AGAP1: variants seen among roughly 807,000 people sequenced by gnomAD.
The protein encoded by AGAP1 is ArfGAP with GTPase domain, ankyrin repeat and PH domain 1, also known as arf-GAP with GTPase, ANK repeat and PH domain-containing protein 1.
Under a neutral mutation model 105.3 loss-of-function variants are expected in AGAP1, and 29 were observed. The ratio of observed to expected loss-of-function variants is 0.28; its 90% CI spans 0.21 to 0.38. The LOEUF (loss-of-function observed/expected upper bound fraction) is 0.38. Ranked by LOEUF, AGAP1 falls within the 10% of genes least tolerant of loss-of-function variation. AGAP1 has a pLI of 1.00. For missense variants in AGAP1, 998 were observed against 1,165.1 expected, an observed-to-expected ratio of 0.86 and a Z score of 2.09; for synonymous variants, 509 against 485.9, an observed-to-expected ratio of 1.05 and a Z score of -0.63.
chr2:236,085,077 G>T (rs2058890758), intron 16 of AGAP1, among the ~76,000 whole-genome samples: 1 of 147,026 alleles, frequency 6.8e-6, no homozygotes. Context: ...TTAGCCGGGT[G>T]TGGTGGTGTG....
rs998239893 is a variant in AGAP1, at chr2:236,002,997, C to T, written c.1646-33564C>T. On this transcript the variant is annotated intron_variant, in intron 13 of 17. Coordinates refer to ENST00000304032, the MANE Select transcript of AGAP1 (RefSeq NM_001037131.3). The surrounding 1 kb of genome is among the most constrained non-coding windows in gnomAD (Gnocchi z 4.3). ...TTTGCTCACCGAGAAAAAGAAGACT[C>T]GGGAACCACAGAACTAACACAGAAG... Among the ~76,000 whole-genome samples the T allele has an allele frequency of 6.6e-6, 1 of 152,010 alleles. No individual in the cohort carries two copies. Among genetic ancestry groups the T allele is most frequent in the Non-Finnish European group, 1.5e-5 (1 of 68,020 alleles).
chr2:236,118,691 TTTTC>T (rs1456634480), intron 16 of AGAP1, among the ~76,000 whole-genome samples: 18 of 152,102 alleles, frequency 1.2e-4, no homozygotes, highest in Non-Finnish European at 2.9e-5. Flanking sequence ...GCCCAGCCTC[TTTTC>T]TTTGTCATCC....
rs372928134 is a variant in AGAP1 at position 235,846,559 on chromosome 2, G to A, written c.1051-36786G>A. Among the ~76,000 whole-genome samples the A allele has an allele frequency of 1.6e-4, 24 of 151,712 alleles. No individual in the cohort carries two copies. In the East Asian group the frequency reaches 4.7e-3, roughly 30 times the overall value. On this transcript the variant is annotated intron_variant, in intron 9 of 17. Transcript: ENST00000304032. ...TTGGCCAGGCTGGTCTCAAACTCCT[G>A]ACCTCAAGTGATCATCCCACCTCAG...
At position 235,882,751 on chromosome 2, in the gene AGAP1, A is replaced by G. The variant is rs2050092710; in HGVS notation, c.1051-594A>G. Among the ~76,000 whole-genome samples, 1 of 152,168 alleles carries G rather than the reference A, an allele frequency of 6.6e-6. No individual in the cohort carries two copies. Among genetic ancestry groups the G allele is most frequent in the African/African-American group, 2.4e-5 (1 of 41,448 alleles). On this transcript the variant is annotated intron_variant, in intron 9 of 17. Coordinates refer to ENST00000304032, the MANE Select transcript of AGAP1 (RefSeq NM_001037131.3). The surrounding 1 kb of genome is among the most constrained non-coding windows in gnomAD (Gnocchi z 4.6). ...CGGCCTCCCAAAGTTCTGGGATTAC[A>G]GGCGTGAGCCACCGTGCCCGGCCTG...
intron 1 of AGAP1, among the ~76,000 whole-genome samples, chr2:235,513,736 T>A (rs1208903165): frequency 6.6e-6 from 1 of 151,982 alleles, no homozygotes; most frequent in East Asian, 1.9e-4. Flanking sequence ...GTGAACCAAA[T>A]CCTGGAGCCT....
chr2:235,717,787 T>C (rs1951193577), intron 3 of AGAP1, 143 bp downstream of exon 3: 1 of 694,354 alleles, frequency 1.4e-6, no homozygotes, highest in Non-Finnish European at 2.4e-6. Flanking sequence ...CTTAAGTATG[T>C]GGTTTCTTCT....
chr2:235,919,283 C>T lies in AGAP1; in HGVS notation c.1324+10377C>T, dbSNP rs1381392305. On this transcript the variant is annotated intron_variant, in intron 11 of 17. Transcript: ENST00000304032. The surrounding 1 kb of genome is among the most constrained non-coding windows in gnomAD (Gnocchi z 4.1). Reference sequence around the variant, plus strand: ...CCGTGGCTTCCCTGCTTCCTGCAGTCCTTTCCCACACTGGCAGAGGAGAGT... The same window carrying T: ...CCGTGGCTTCCCTGCTTCCTGCAGTTCTTTCCCACACTGGCAGAGGAGAGT... 6.6e-6 allele frequency among the ~76,000 whole-genome samples: 1 copy of T among 152,170 alleles called. No individual in the cohort carries two copies. The highest frequency in any genetic ancestry group is 2.4e-5 in the African/African-American group (1 of 41,446).
At chr2:235,797,413 T>C (rs1246275512) in intron 6 of AGAP1, among the ~76,000 whole-genome samples, 1 of 151,966 alleles carries the variant, frequency 6.6e-6, no homozygotes, top group African/African-American at 2.4e-5. Flanking sequence ...CATGTAACGT[T>C]TGTGCATTTC....
intron 2 of AGAP1, among the ~76,000 whole-genome samples, chr2:235,709,826 C>G (rs1950752856): frequency 6.6e-6 from 1 of 152,168 alleles, no homozygotes; most frequent in Admixed American, 6.5e-5. Flanking sequence ...GCCACCCTTT[C>G]CAGCCGCTCC....
At chr2:235,773,773 G>A (rs1009191100) in intron 6 of AGAP1, 4 of 366,012 alleles carry the variant, frequency 1.1e-5, no homozygotes, top group South Asian at 2.2e-5. Flanking sequence ...GGTTTTCTTC[G>A]GAGAATCACA....
intron 16 of AGAP1, among the ~76,000 whole-genome samples, chr2:236,102,761 G>A (rs1211969303): frequency 1.3e-5 from 2 of 152,114 alleles, no homozygotes; most frequent in Non-Finnish European, 2.9e-5. Flanking sequence ...GATTTTTCCT[G>A]TAAACGTCCC....
chr2:236,045,425 C>T lies in AGAP1; in HGVS notation c.1892-3634C>T, dbSNP rs925648171. On this transcript the variant is annotated intron_variant, in intron 15 of 17. Transcript: ENST00000304032. This position sits in a 1 kb window ranked among gnomAD's most constrained non-coding sequence, Gnocchi z 6.9. ...GGGGCAGTCACTGCTCTAAGTGCCT[C>T]GTAGCTTTTAATCCTTCTGACAGCC... Among the ~76,000 whole-genome samples, 3 of 152,218 alleles carry T rather than the reference C, an allele frequency of 2.0e-5. No homozygotes were observed. Among genetic ancestry groups the T allele is most frequent in the Admixed American group, 1.3e-4 (2 of 15,286 alleles).
At position 235,989,851 on chromosome 2, in the gene AGAP1, A is replaced by G. The variant is rs1288147091; in HGVS notation, c.1645+21228A>G. ...GGGACAGCCTCGGAAGAGGAAATCCATGCGTCTTCCTTTTGCCCACAGGAG... is the reference window on the plus strand; with the variant it reads ...GGGACAGCCTCGGAAGAGGAAATCCGTGCGTCTTCCTTTTGCCCACAGGAG... On this transcript the variant is annotated intron_variant, in intron 13 of 17. Transcript: ENST00000304032. The surrounding 1 kb of genome is among the most constrained non-coding windows in gnomAD (Gnocchi z 4.4). Among the ~76,000 whole-genome samples, 2 of 152,162 alleles carry G rather than the reference A, an allele frequency of 1.3e-5. No homozygotes were observed. The highest frequency in any genetic ancestry group is 3.9e-4 in the East Asian group (2 of 5,182).
chr2:235,961,186 T>G lies in AGAP1; in HGVS notation c.1484-7276T>G, dbSNP rs765027833. On this transcript the variant is annotated intron_variant, in intron 12 of 17. Transcript: ENST00000304032. This position sits in a 1 kb window ranked among gnomAD's most constrained non-coding sequence, Gnocchi z 5.9. Reference sequence around the variant, plus strand: ...ACGCATGGAGCATGTCATGTCCCCATGTGGAGAGAGCCACGGAGCACAGGG... The same window carrying G: ...ACGCATGGAGCATGTCATGTCCCCAGGTGGAGAGAGCCACGGAGCACAGGG... Among the ~76,000 whole-genome samples, 1 of 152,282 alleles carries G rather than the reference T, an allele frequency of 6.6e-6. No individual in the cohort carries two copies. Among genetic ancestry groups the G allele is most frequent in the East Asian group, 1.9e-4 (1 of 5,164 alleles).
In AGAP1 at chr2:235,746,376, A is replaced by ACTTTTT. The variant is rs755392505; in HGVS notation, c.538+1538_538+1543dup. 7.4e-3 allele frequency among the ~76,000 whole-genome samples: 325 copies of ACTTTTT among 43,958 alleles called. 3 individuals are homozygous for ACTTTTT. Among genetic ancestry groups the ACTTTTT allele is most frequent in the Non-Finnish European group, 0.012 (270 of 23,346 alleles). 28.8% of individuals were successfully genotyped at this position (43,958 alleles called of 152,430 possible). A position where few individuals can be genotyped will look rare whatever the true frequency, so the allele number is the denominator to read the frequency against. ...GGCTTCCTGGAGAGCACCTCCCCCA[A>ACTTTTT]CTTTTTTTTTTTTTTTTTTTTTTTT... On this transcript the variant is annotated intron_variant, in intron 5 of 17. Coordinates refer to ENST00000304032, the MANE Select transcript of AGAP1 (RefSeq NM_001037131.3).
chr2:235,543,856 A>G (rs1213347376), intron 1 of AGAP1, among the ~76,000 whole-genome samples: 1 of 152,152 alleles, frequency 6.6e-6, no homozygotes, highest in Non-Finnish European at 1.5e-5. Context: ...TCCAGGGGCA[A>G]CACGTGCCCT....
chr2:235,758,003 A>G (rs551741105), intron 6 of AGAP1, among the ~76,000 whole-genome samples: 21 of 152,326 alleles, frequency 1.4e-4, no homozygotes, highest in African/African-American at 5.1e-4. Flanking sequence ...TAAAGGATGT[A>G]TCAGTTAAGC....
At chr2:235,687,769 A>C (rs927592200) in intron 1 of AGAP1, among the ~76,000 whole-genome samples, 1 of 152,006 alleles carries the variant, frequency 6.6e-6, no homozygotes, top group Non-Finnish European at 1.5e-5. Context: ...GTGATGAGGA[A>C]GGTCAGATAA....
At position 235,875,801 on chromosome 2, in the gene AGAP1, C is replaced by T. The variant is rs549360563; in HGVS notation, c.1051-7544C>T. 1.4e-4 allele frequency among the ~76,000 whole-genome samples: 21 copies of T among 152,250 alleles called. No individual in the cohort carries two copies. Among genetic ancestry groups the T allele is most frequent in the East Asian group, 3.9e-4 (2 of 5,184 alleles). On this transcript the variant is annotated intron_variant, in intron 9 of 17. Coordinates refer to ENST00000304032, the MANE Select transcript of AGAP1 (RefSeq NM_001037131.3). This position sits in a 1 kb window ranked among gnomAD's most constrained non-coding sequence, Gnocchi z 4.0. ...GCAGTGATTTTGATGGCTGTTTATCCGGACTAATCAGACAAAAACATCTTC... is the reference window on the plus strand; with the variant it reads ...GCAGTGATTTTGATGGCTGTTTATCTGGACTAATCAGACAAAAACATCTTC...
Sources: gnomAD v4.1 joint callset for allele counts (sites outside exome capture counted in the v4.1 genomes callset) on GRCh38, gnomAD v4.1.1 for gene constraint, Gnocchi (gnomAD v3.1) non-coding constraint, MANE v1.5 for transcripts, NCBI Gene and HGNC (gene_info 2026-07-23, HGNC 2026-07-21) for gene names.